RARRES1: variants seen among roughly 807,000 people sequenced by gnomAD.
RARRES1 encodes retinoic acid receptor responder protein 1.
Under a neutral mutation model 30.6 loss-of-function variants are expected in RARRES1, and 34 were observed. The ratio of observed to expected loss-of-function variants is 1.11; its 90% CI spans 0.84 to 1.48. The LOEUF is 1.48. RARRES1 is among the 40% of genes most tolerant of loss of function. The probability of loss-of-function intolerance (pLI) is 0.00; values close to 1 mark genes in which losing one functional copy is unlikely to be tolerated. For synonymous variants in RARRES1, 153 were observed against 155.5 expected (o/e 0.98, Z 0.12); for missense variants, 373 against 386.5 (o/e 0.97, Z 0.29).
At chr3:158,705,593 A>G (rs930613848) in intron 3 of RARRES1, 9 of 152,274 alleles carry the variant, frequency 5.9e-5, no homozygotes, top group Non-Finnish European at 1.3e-4. Context: ...GGTGAAGGCC[A>G]CTGTGCTGGC....
chr3:158,729,948 C>G (rs1727817740), intron 1 of RARRES1, among the ~76,000 whole-genome samples: 1 of 152,164 alleles, frequency 6.6e-6, no homozygotes, highest in Admixed American at 6.5e-5. Context: ...AGAAAGTTCT[C>G]AAGGTCCGTT....
intron 1 of RARRES1, among the ~76,000 whole-genome samples, chr3:158,716,485 A>G (rs1313405505): frequency 1.3e-5 from 2 of 152,308 alleles, no homozygotes; most frequent in East Asian, 3.9e-4. Flanking sequence ...CTGGAAACAC[A>G]TGGAGGCAAA....
chr3:158,727,900 G>A (rs910421271), intron 1 of RARRES1, among the ~76,000 whole-genome samples: 1 of 152,160 alleles, frequency 6.6e-6, no homozygotes, highest in Non-Finnish European at 1.5e-5. Flanking sequence ...CTAGCACTTA[G>A]TTCTTCCTTG....
intron 1 of RARRES1, among the ~76,000 whole-genome samples, chr3:158,724,294 C>T (rs997170516): frequency 1.3e-5 from 2 of 152,126 alleles, no homozygotes; most frequent in African/African-American, 4.8e-5. Flanking sequence ...AGCCCTTGCC[C>T]GAAGATGTCC....
intron 1 of RARRES1, among the ~76,000 whole-genome samples, chr3:158,721,117 C>T (rs1001379600): frequency 1.3e-5 from 2 of 152,126 alleles, no homozygotes; most frequent in Non-Finnish European, 2.9e-5. Context: ...TAGGATTAGA[C>T]AAGCCGAGAG....
intron 1 of RARRES1, among the ~76,000 whole-genome samples, chr3:158,722,665 G>A (rs1236933268): frequency 2.6e-5 from 4 of 152,100 alleles, no homozygotes; most frequent in South Asian, 2.1e-4. Context: ...GGCGGATCAC[G>A]AGGTCAGGAG....
intron 1 of RARRES1, among the ~76,000 whole-genome samples, chr3:158,714,402 G>C (rs943397399): frequency 1.3e-5 from 2 of 152,188 alleles, no homozygotes; most frequent in Non-Finnish European, 2.9e-5. Context: ...GAGACCAGCA[G>C]GACAGGAAGG....
At chr3:158,710,983 C>T (rs773398831) in intron 2 of RARRES1, 50 bp from the exon 3 acceptor site, 2 of 1,477,846 alleles carry the variant, frequency 1.4e-6, no homozygotes, top group South Asian at 1.2e-5. Flanking sequence ...CCCCAGTGCA[C>T]ACAAGCACAC....
intron 1 of RARRES1, among the ~76,000 whole-genome samples, chr3:158,715,231 T>C (rs1727286427): frequency 6.6e-6 from 1 of 152,212 alleles, no homozygotes; most frequent in Non-Finnish European, 1.5e-5. Flanking sequence ...TAAAGAAATA[T>C]GATGTCCAGC....
At chr3:158,710,991 C>G in intron 2 of RARRES1, 58 bp from the exon 3 acceptor site, 1 of 1,475,062 alleles carries the variant, frequency 6.8e-7, no homozygotes, top group Non-Finnish European at 9.4e-7. Context: ...CACACAAGCA[C>G]ACACAAGATT....
intron 4 of RARRES1, among the ~76,000 whole-genome samples, chr3:158,698,930 C>A (rs2108128028): frequency 6.6e-6 from 1 of 152,252 alleles, no homozygotes; most frequent in South Asian, 2.1e-4. Context: ...TTCCCTTTTA[C>A]CAGACACTCC....
chr3:158,697,973 A>G lies in RARRES1; in HGVS notation c.673-3T>C. 7 of 1,503,918 alleles carry G rather than the reference A, an allele frequency of 4.7e-6. No individual in the cohort carries two copies. The highest frequency in any genetic ancestry group is 2.3e-4 in the Middle Eastern group (1 of 4,390). The allele number at this position is 1,503,918 out of a possible 1,614,324, so 93.2% of individuals were successfully genotyped here. On this transcript the variant is annotated splice_region_variant and splice_polypyrimidine_tract_variant and intron_variant, in intron 4 of 5. Transcript: ENST00000237696. Reference sequence around the variant, plus strand: ...TCAATTGTATCATCATTAGTTTTCTAGAGGGAGAAAAAAGAGTTAGTGTAA... The same window carrying G: ...TCAATTGTATCATCATTAGTTTTCTGGAGGGAGAAAAAAGAGTTAGTGTAA...
intron 1 of RARRES1, among the ~76,000 whole-genome samples, chr3:158,716,097 G>A (rs1727313635): frequency 6.6e-6 from 1 of 152,214 alleles, no homozygotes; most frequent in Admixed American, 6.5e-5. Context: ...TCCTGCAGAG[G>A]AGTCAGCGAC....
At chr3:158,701,405 GC>G (rs1453974430) in intron 4 of RARRES1, among the ~76,000 whole-genome samples, 4 of 151,854 alleles carry the variant, frequency 2.6e-5, no homozygotes, top group Non-Finnish European at 5.9e-5. Flanking sequence ...TTCATTTGGG[GC>G]TGTGAGTTTA....
At chr3:158,720,639 G>T (rs1727486085) in intron 1 of RARRES1, among the ~76,000 whole-genome samples, 1 of 150,824 alleles carries the variant, frequency 6.6e-6, no homozygotes, top group Admixed American at 6.6e-5. Context: ...CTCTATTATT[G>T]TTTGTTTGTT....
intron 4 of RARRES1, among the ~76,000 whole-genome samples, chr3:158,704,147 C>G (rs569664386): frequency 2.0e-5 from 3 of 151,948 alleles, no homozygotes; most frequent in South Asian, 2.1e-4. Flanking sequence ...AAACATCTCT[C>G]CAGCCCCATT....
chr3:158,715,021 T>C (rs1727277542), intron 1 of RARRES1, among the ~76,000 whole-genome samples: 1 of 152,234 alleles, frequency 6.6e-6, no homozygotes, highest in African/African-American at 2.4e-5. Flanking sequence ...CTTGTACATG[T>C]ACAGATGTTG....
chr3:158,725,323 T>TA (rs1278880621), intron 1 of RARRES1, among the ~76,000 whole-genome samples: 5 of 152,244 alleles, frequency 3.3e-5, no homozygotes, highest in Admixed American at 3.3e-4. Context: ...TCTGGGGCGA[T>TA]ACACTGCTTA....
intron 4 of RARRES1, among the ~76,000 whole-genome samples, chr3:158,699,320 TC>T (rs1726648191): frequency 6.6e-6 from 1 of 152,120 alleles, no homozygotes; most frequent in Non-Finnish European, 1.5e-5. Flanking sequence ...GTCACTTTCT[TC>T]GTACCAGACC....
Sources: allele counts gnomAD v4.1 joint callset (sites outside exome capture counted in the v4.1 genomes callset), GRCh38; gene constraint gnomAD v4.1.1; transcripts MANE v1.5; gene names NCBI Gene and HGNC (gene_info 2026-07-23, HGNC 2026-07-21).